WAC: variants seen among roughly 807,000 people sequenced by gnomAD.
The protein encoded by WAC is WW domain-containing adapter protein with coiled-coil.
In WAC, 11 loss-of-function variants were observed where a neutral mutation model predicts 79.6. The observed-to-expected ratio is 0.14, with a 90% confidence interval of 0.09 to 0.23. WAC has a LOEUF of 0.23. Ranked by LOEUF, WAC falls within the 10% of genes least tolerant of loss-of-function variation. WAC has a pLI of 1.00. For synonymous variants in WAC, 304 were observed against 276.9 expected (o/e 1.10, Z -0.97); for missense variants, 728 against 773.5 (o/e 0.94, Z 0.70).
At position 28,614,175 on chromosome 10, in the gene WAC, C is replaced by G. The variant is rs1010435428; in HGVS notation, c.1438-392C>G. Among the ~76,000 whole-genome samples, 2 of 151,924 alleles carry G rather than the reference C, an allele frequency of 1.3e-5. 1 individual carries two copies. The highest frequency in any genetic ancestry group is 4.1e-4 in the South Asian group (2 of 4,822). On this transcript the variant is annotated intron_variant, in intron 10 of 13. Transcript: ENST00000354911. The stretch of plus-strand genomic sequence containing the variant: ...GGCGGGAGTGCTGTGGCGCGATCTC[C>G]GCTCACTGCAAGCTCCGCCTTCCGG...
chr10:28,590,091 C>T (rs923647241), intron 5 of WAC, among the ~76,000 whole-genome samples: 3 of 151,974 alleles, frequency 2.0e-5, no homozygotes, highest in Non-Finnish European at 2.9e-5. Context: ...GAGGCCAAGA[C>T]GGGAGGATCA....
chr10:28,617,873 G>A (rs949706866), intron 13 of WAC, 89 bp downstream of exon 13: 2 of 1,379,606 alleles, frequency 1.4e-6, no homozygotes, highest in Non-Finnish European at 1.9e-6. Context: ...TTTTATTTAT[G>A]AAATGTAAAG....
At chr10:28,605,001 C>T (rs1040656059) in intron 7 of WAC, among the ~76,000 whole-genome samples, 1 of 152,080 alleles carries the variant, frequency 6.6e-6, no homozygotes, top group African/African-American at 2.4e-5. Flanking sequence ...TAGATTGAGG[C>T]ATGTAACATA....
At chr10:28,545,826 G>A (rs912551644) in intron 3 of WAC, among the ~76,000 whole-genome samples, 2 of 152,176 alleles carry the variant, frequency 1.3e-5, no homozygotes, top group African/African-American at 4.8e-5. Context: ...GTAGTATCTG[G>A]AGCCACTGGT....
At chr10:28,559,012 T>G (rs912314111) in intron 3 of WAC, among the ~76,000 whole-genome samples, 2 of 151,772 alleles carry the variant, frequency 1.3e-5, no homozygotes, top group East Asian at 3.9e-4. Context: ...GCTTTGGAGG[T>G]GGGTGTAATA....
intron 4 of WAC, 61 bp from the exon 5 acceptor site, chr10:28,589,675 T>C: frequency 8.9e-7 from 1 of 1,118,128 alleles, no homozygotes; most frequent in Non-Finnish European, 1.3e-6. Flanking sequence ...TTGATGTTGT[T>C]GATATTTCAT....
At position 28,570,389 on chromosome 10, in the gene WAC, C is replaced by A. The variant is rs113735569; in HGVS notation, c.275-13010C>A. ...GATGTTTATATTCTTGGATATGACA[C>A]TAAGATTTGTTATCTCCAGCCTTCG... On this transcript the variant is annotated intron_variant, in intron 3 of 13. Coordinates refer to ENST00000354911, the MANE Select transcript of WAC (RefSeq NM_016628.5). Among the ~76,000 whole-genome samples, 629 of 152,300 alleles carry A rather than the reference C, an allele frequency of 4.1e-3. 6 individuals carry two copies. Among genetic ancestry groups the A allele is most frequent in the African/African-American group, 0.015 (606 of 41,562 alleles).
intron 3 of WAC, among the ~76,000 whole-genome samples, chr10:28,562,831 C>A (rs1013410447): frequency 6.6e-6 from 1 of 152,036 alleles, no homozygotes; most frequent in African/African-American, 2.4e-5. Context: ...GTTGTCTTCC[C>A]AGTTTGTGGC....
At chr10:28,585,166 CACAT>C (rs1392679489) in intron 4 of WAC, among the ~76,000 whole-genome samples, 1 of 152,108 alleles carries the variant, frequency 6.6e-6, no homozygotes, top group Non-Finnish European at 1.5e-5. Context: ...CCTCAGGTAA[CACAT>C]ACAGTAATCA....
chr10:28,604,875 C>A (rs1840861214), intron 7 of WAC, among the ~76,000 whole-genome samples: 1 of 152,172 alleles, frequency 6.6e-6, no homozygotes, highest in East Asian at 1.9e-4. Flanking sequence ...ACCCAATCAA[C>A]ACTTTAAATA....
At chr10:28,590,875 T>C (rs772605935) in intron 6 of WAC, 43 bp downstream of exon 6, 7 of 1,430,196 alleles carry the variant, frequency 4.9e-6, no homozygotes, top group South Asian at 3.8e-5. Flanking sequence ...GTTTGACTTA[T>C]TCGTATTTAT....
At chr10:28,613,946 A>G (rs184568473) in intron 10 of WAC, among the ~76,000 whole-genome samples, 3 of 152,326 alleles carry the variant, frequency 2.0e-5, no homozygotes, top group Admixed American at 1.3e-4. Context: ...TCATTTTCTG[A>G]TAGCCCAATC....
At chr10:28,594,395 CTTTTTAAAT>C (rs1840248063) in intron 6 of WAC, among the ~76,000 whole-genome samples, 1 of 152,148 alleles carries the variant, frequency 6.6e-6, no homozygotes, top group Admixed American at 6.5e-5. Flanking sequence ...TAGAATAAAA[CTTTTTAAAT>C]TTTATGTTCA....
At chr10:28,546,904 T>A (rs756066735) in intron 3 of WAC, among the ~76,000 whole-genome samples, 81 of 152,204 alleles carry the variant, frequency 5.3e-4, no homozygotes, top group Non-Finnish European at 9.0e-4. Context: ...AAGGGTATTT[T>A]AAAAATCTAA....
intron 3 of WAC, among the ~76,000 whole-genome samples, chr10:28,554,938 C>T (rs1837899940): frequency 6.6e-6 from 1 of 152,150 alleles, no homozygotes; most frequent in Non-Finnish European, 1.5e-5. Context: ...CTTCCTCTGT[C>T]CTCTCAACCC....
In WAC at chr10:28,535,545, GGGGT is replaced by G. The variant is rs1564368644; in HGVS notation, c.79-15_79-12del. 9.8e-6 allele frequency: 15 copies of G among 1,527,412 alleles called. No individual in the cohort carries two copies. Among genetic ancestry groups the G allele is most frequent in the Non-Finnish European group, 1.3e-5 (15 of 1,132,712 alleles). The allele number at this position is 1,527,412 out of a possible 1,614,324, so 94.6% of individuals were successfully genotyped here. Reference sequence around the variant, plus strand: ...TCAATTCTTTCTCTCTTTTTTTGGGGGGGTGATGTTTTACAGGCACTTAAGTATT... The same window carrying G: ...TCAATTCTTTCTCTCTTTTTTTGGGGGATGTTTTACAGGCACTTAAGTATT... On this transcript the variant is annotated splice_polypyrimidine_tract_variant and intron_variant, in intron 2 of 13. Coordinates refer to ENST00000354911, the MANE Select transcript of WAC (RefSeq NM_016628.5).
At chr10:28,537,937 A>G (rs1468091970) in intron 3 of WAC, among the ~76,000 whole-genome samples, 5 of 151,820 alleles carry the variant, frequency 3.3e-5, no homozygotes, top group South Asian at 4.2e-4. Context: ...CCACTTTCCA[A>G]TTTTCTTTCT....
chr10:28,589,573 T>C, intron 4 of WAC, 163 bp from the exon 5 acceptor site: 1 of 383,286 alleles, frequency 2.6e-6, no homozygotes, highest in Non-Finnish European at 4.7e-6. Context: ...TTGAAGATTT[T>C]CATAAACTAA....
At chr10:28,540,735 T>C (rs1465704795) in intron 3 of WAC, among the ~76,000 whole-genome samples, 1 of 152,252 alleles carries the variant, frequency 6.6e-6, no homozygotes, top group African/African-American at 2.4e-5. Context: ...TTCATTGATT[T>C]ATGCTTTGTG....
Sources: allele counts gnomAD v4.1 joint callset (sites outside exome capture counted in the v4.1 genomes callset), GRCh38; gene constraint gnomAD v4.1.1; transcripts MANE v1.5; gene names NCBI Gene and HGNC (gene_info 2026-07-23, HGNC 2026-07-21).